CDH18: variants seen among roughly 807,000 people sequenced by gnomAD.
CDH18 encodes cadherin-18.
A neutral mutation model predicts 67.9 loss-of-function variants in CDH18; 31 were observed. The observed-to-expected ratio is 0.46, with a 90% CI of 0.34 to 0.62. The LOEUF (loss-of-function observed/expected upper bound fraction) is 0.62, where lower values mean the gene tolerates loss of function less well. CDH18 is among the 20% of genes least tolerant of loss of function. The pLI is 0.01. For synonymous variants in CDH18, 362 were observed against 347.2 expected (o/e 1.04, Z -0.48); for missense variants, 890 against 975.5 (o/e 0.91, Z 1.17).
At chr5:20,153,248 T>G (rs1382935989) in intron 2 of CDH18, among the ~76,000 whole-genome samples, 1 of 152,052 alleles carries the variant, frequency 6.6e-6, no homozygotes, top group Non-Finnish European at 1.5e-5. Context: ...ATGATTCTTG[T>G]GAATCAGAGG....
chr5:20,453,691 T>A (rs1221560187), intron 1 of CDH18, among the ~76,000 whole-genome samples: 3 of 151,894 alleles, frequency 2.0e-5, no homozygotes, highest in Non-Finnish European at 4.4e-5. Flanking sequence ...AAATGTTAAG[T>A]TGTGTGGTTA....
intron 1 of CDH18, among the ~76,000 whole-genome samples, chr5:20,484,959 A>G (rs554864024): frequency 8.0e-4 from 122 of 152,238 alleles, no homozygotes; most frequent in African/African-American, 2.7e-3. Context: ...TTATAACACA[A>G]AGAAATGATA....
intron 2 of CDH18, chr5:19,848,345 T>C (rs1001590291): frequency 1.3e-5 from 2 of 152,182 alleles, no homozygotes; most frequent in Non-Finnish European, 1.5e-5. Flanking sequence ...ACAGACCACA[T>C]GATGCTTTAC....
At chr5:20,352,405 G>A (rs1391319208) in intron 1 of CDH18, among the ~76,000 whole-genome samples, 1 of 151,910 alleles carries the variant, frequency 6.6e-6, no homozygotes, top group Non-Finnish European at 1.5e-5. Context: ...TTGACTGTGT[G>A]GGGGGCCAGC....
chr5:19,913,922 G>A (rs1791437869), intron 2 of CDH18, among the ~76,000 whole-genome samples: 1 of 152,096 alleles, frequency 6.6e-6, no homozygotes, highest in Admixed American at 6.6e-5. Flanking sequence ...ACCTTCATGT[G>A]CAGTGGAATA....
At chr5:20,389,309 G>T (rs1245605587) in intron 1 of CDH18, among the ~76,000 whole-genome samples, 1 of 151,984 alleles carries the variant, frequency 6.6e-6, no homozygotes, top group Non-Finnish European at 1.5e-5. Context: ...TTATGTAATG[G>T]CCTTCTTTGT....
intron 2 of CDH18, among the ~76,000 whole-genome samples, chr5:19,866,574 T>C (rs1785531022): frequency 6.6e-6 from 1 of 152,108 alleles, no homozygotes; most frequent in African/African-American, 2.4e-5. Context: ...GGCAGTTTAA[T>C]TAAAGTGCCA....
chr5:20,302,227 C>T (rs796262840), intron 1 of CDH18, among the ~76,000 whole-genome samples: 25 of 152,266 alleles, frequency 1.6e-4, no homozygotes, highest in African/African-American at 6.0e-4. Flanking sequence ...CAGGGAAGCA[C>T]GTGTGGCTAA....
intron 2 of CDH18, among the ~76,000 whole-genome samples, chr5:20,120,682 T>C (rs1011202079): frequency 2.0e-5 from 3 of 152,160 alleles, no homozygotes; most frequent in African/African-American, 7.2e-5. Flanking sequence ...ATTCTGATTA[T>C]TTCACATTAG....
At chr5:19,822,737 G>A (rs1360991286) in intron 3 of CDH18, among the ~76,000 whole-genome samples, 1 of 152,238 alleles carries the variant, frequency 6.6e-6, no homozygotes, top group East Asian at 1.9e-4. Flanking sequence ...CACAGGACTG[G>A]GGCGAAATTA....
At chr5:19,951,727 A>T (rs954949125) in intron 2 of CDH18, among the ~76,000 whole-genome samples, 2 of 152,124 alleles carry the variant, frequency 1.3e-5, no homozygotes, top group South Asian at 2.1e-4. Context: ...GCATTATAGG[A>T]TACTCAGGGT....
At chr5:19,500,162 A>G (rs1743005203) in intron 11 of CDH18, among the ~76,000 whole-genome samples, 1 of 151,756 alleles carries the variant, frequency 6.6e-6, no homozygotes, top group Admixed American at 6.6e-5. Context: ...GCAGTCCAGC[A>G]TTTTCTGACC....
At chr5:20,406,431 T>TGTGGGGG (rs1379988336) in intron 1 of CDH18, among the ~76,000 whole-genome samples, 5 of 140,860 alleles carry the variant, frequency 3.5e-5, no homozygotes. Context: ...CGGGGCCTGT[T>TGTGGGGG]GTGGGGGAGG....
intron 2 of CDH18, among the ~76,000 whole-genome samples, chr5:20,070,787 A>G (rs901955364): frequency 1.3e-5 from 2 of 152,198 alleles, no homozygotes; most frequent in African/African-American, 4.8e-5. Flanking sequence ...ACTTCTCTAA[A>G]ATTTAAAATT....
At chr5:20,368,381 C>T (rs572031950) in intron 1 of CDH18, among the ~76,000 whole-genome samples, 15 of 152,178 alleles carry the variant, frequency 9.9e-5, no homozygotes, top group East Asian at 7.8e-4. Context: ...AGAAGACTTA[C>T]TAGAATCTGG....
chr5:19,490,392 C>CT (rs1561183202), intron 11 of CDH18, among the ~76,000 whole-genome samples: 5 of 40,310 alleles, frequency 1.2e-4, no homozygotes, highest in African/African-American at 4.1e-4. Flanking sequence ...ATATAAAAAT[C>CT]TGTTTTTTTT....
At chr5:19,775,218 G>T (rs891090730) in intron 3 of CDH18, among the ~76,000 whole-genome samples, 2 of 152,188 alleles carry the variant, frequency 1.3e-5, no homozygotes, top group African/African-American at 4.8e-5. Context: ...TACGCTACTA[G>T]CTCGCTACCA....
At chr5:20,500,281 T>C (rs965311169) in intron 1 of CDH18, among the ~76,000 whole-genome samples, 1 of 152,166 alleles carries the variant, frequency 6.6e-6, no homozygotes, top group African/African-American at 2.4e-5. Context: ...TGTGGTGGCA[T>C]CCATTATGTA....
At chr5:19,990,352 G>C (rs972424206), upstream of CDH18, among the ~76,000 whole-genome samples, 2 of 152,204 alleles carry the variant, frequency 1.3e-5, no homozygotes, top group Admixed American at 1.3e-4. Flanking sequence ...TGAGACACAA[G>C]CAATGAGCAT....
Sources: allele counts gnomAD v4.1 joint callset (sites outside exome capture counted in the v4.1 genomes callset), GRCh38; gene constraint gnomAD v4.1.1; transcripts MANE v1.5; gene names NCBI Gene and HGNC (gene_info 2026-07-23, HGNC 2026-07-21).